The following ERC1 variants were observed in gnomAD, a reference collection of about 807,000 sequenced individuals.
ERC1 encodes the protein RAB6 interacting protein 2.
In ERC1, 56 loss-of-function variants were observed where a neutral mutation model predicts 132.0. The observed-to-expected ratio is 0.42, with a 90% CI of 0.34 to 0.53. The LOEUF (loss-of-function observed/expected upper bound fraction) is 0.53, where lower values mean the gene tolerates loss of function less well. Among genes scored for constraint, ERC1 ranks in the 20% least tolerant of loss-of-function variants. The pLI is 0.03. For missense variants in ERC1, 1,202 were observed against 1,349.9 expected (o/e 0.89, Z 1.72); for synonymous variants, 478 against 476.1 (o/e 1.00, Z -0.05).
chr12:1,252,304 T>A (rs2154316090), intron 13 of ERC1, among the ~76,000 whole-genome samples: 3 of 152,314 alleles, frequency 2.0e-5, no homozygotes, highest in African/African-American at 7.2e-5. Context: ...AAGGTCAGCC[T>A]CTTATGGGCC....
intron 12 of ERC1, among the ~76,000 whole-genome samples, chr12:1,228,884 C>A (rs2154298945): frequency 6.6e-6 from 1 of 152,158 alleles, no homozygotes; most frequent in South Asian, 2.1e-4. Flanking sequence ...GTGAATGGTC[C>A]TTTTAATGTG....
At chr12:1,196,722 T>C (rs915802272) in intron 12 of ERC1, among the ~76,000 whole-genome samples, 1 of 151,288 alleles carries the variant, frequency 6.6e-6, no homozygotes, top group Non-Finnish European at 1.5e-5. Flanking sequence ...CTTGAACTCC[T>C]GGGCTCAAGT....
chr12:1,113,774 C>T (rs7314843), intron 6 of ERC1, among the ~76,000 whole-genome samples: 88,075 of 152,068 alleles, frequency 0.58, 28,797 homozygotes, highest in East Asian at 0.87. Flanking sequence ...GCACATTTCA[C>T]GCTTTATTTT....
intron 17 of ERC1, among the ~76,000 whole-genome samples, chr12:1,434,241 G>A (rs897919246): frequency 6.6e-6 from 1 of 152,124 alleles, no homozygotes; most frequent in East Asian, 1.9e-4. Flanking sequence ...ACTAAAACTG[G>A]ACGTGGCTTC....
chr12:991,140 G>C (rs940736265), upstream of ERC1: 1 of 149,510 alleles, frequency 6.7e-6, no homozygotes, highest in Non-Finnish European at 1.5e-5. Context: ...CGAGCCGGGA[G>C]CCCGGGGAGG....
chr12:1,082,593 C>T (rs1366169819), intron 2 of ERC1, among the ~76,000 whole-genome samples: 4 of 149,652 alleles, frequency 2.7e-5, no homozygotes, highest in African/African-American at 7.4e-5. Context: ...CAAGTTCAAG[C>T]GATTCTCCTG....
intron 15 of ERC1, among the ~76,000 whole-genome samples, chr12:1,367,082 T>A (rs185191547): frequency 6.6e-6 from 1 of 152,244 alleles, no homozygotes; most frequent in Non-Finnish European, 1.5e-5. Context: ...AATCTAGTCA[T>A]TAGAGGATTT....
In ERC1 at chr12:1,083,553, G is replaced by A. The variant is rs373730763; in HGVS notation, c.1059G>A (p.Lys353=). The A allele has an allele frequency of 1.6e-5, 26 of 1,603,420 alleles. No individual in the cohort carries two copies. The highest frequency in any genetic ancestry group is 3.5e-5 in the Admixed American group (2 of 56,704). ...ACCTAGAAAGCCTTTTGGAGCAGAA[G>A]GAAAAAGAGAACAGTATGTTGAGAG... is the stretch of plus-strand genomic sequence containing the variant. The part of the protein sequence containing the change: ...VHHLESLLEQ[K]EKENSMLREE... The change falls in exon 3 of 19, where the codon AAG becomes AAA. Residue 353 remains lysine (K), a synonymous_variant. Transcript: ENST00000360905.
Position 1,112,295 on chromosome 12 carries a change from T to C in ERC1, c.1398T>C (p.Ala466=). Residue 466 remains alanine, a synonymous_variant, in exon 6 of 19, where the codon GCT becomes GCC. Coordinates refer to ENST00000360905, the MANE Select transcript of ERC1 (RefSeq NM_178040.4). ...AAAAGAAAGCGGCTGGTCTTCAGGC[T>C]GAGGTCTTTGCCGTAAGATTTACCT... ...ELKKKAAGLQ[A]EIGQVKQELS... The C allele has an allele frequency of 6.2e-7, 1 of 1,611,630 alleles. No homozygotes were observed. The highest frequency in any genetic ancestry group is 8.5e-7 in the Non-Finnish European group (1 of 1,177,944).
At chr12:1,428,808 T>C (rs1164532609) in intron 17 of ERC1, among the ~76,000 whole-genome samples, 4 of 152,240 alleles carry the variant, frequency 2.6e-5, no homozygotes, top group African/African-American at 9.6e-5. Context: ...AGAACTGCAT[T>C]ATCAACCAAA....
At chr12:1,361,884 T>C (rs1263559547) in intron 15 of ERC1, among the ~76,000 whole-genome samples, 2 of 151,942 alleles carry the variant, frequency 1.3e-5, no homozygotes, top group Admixed American at 1.3e-4. Flanking sequence ...ACTGGGACCT[T>C]CTTTAGAGCC....
chr12:1,210,478 C>T (rs987534306), intron 12 of ERC1, among the ~76,000 whole-genome samples: 3 of 152,162 alleles, frequency 2.0e-5, no homozygotes, highest in African/African-American at 7.2e-5. Context: ...AATGTTTGAG[C>T]ATGATAGCAA....
At chr12:1,283,200 G>A (rs948202626) in intron 14 of ERC1, among the ~76,000 whole-genome samples, 1 of 152,142 alleles carries the variant, frequency 6.6e-6, no homozygotes, top group African/African-American at 2.4e-5. Context: ...GTCAGGCCCC[G>A]TGCTTTCTGC....
intron 4 of ERC1, among the ~76,000 whole-genome samples, chr12:1,105,324 T>C (rs545880353): frequency 6.6e-6 from 1 of 152,338 alleles, no homozygotes; most frequent in South Asian, 2.1e-4. Context: ...ATTAAAAGTA[T>C]GTGTACTCCA....
chr12:1,165,889 C>T (rs1048428087), intron 8 of ERC1, among the ~76,000 whole-genome samples: 9 of 152,092 alleles, frequency 5.9e-5, no homozygotes, highest in Admixed American at 5.9e-4. Context: ...GTTGTGCAAC[C>T]ATCATCACTG....
At chr12:1,414,516 A>G (rs1437323987) in intron 17 of ERC1, among the ~76,000 whole-genome samples, 1 of 152,228 alleles carries the variant, frequency 6.6e-6, no homozygotes, top group Non-Finnish European at 1.5e-5. Flanking sequence ...GGACACAAAC[A>G]TTCGATTGAT....
intron 8 of ERC1, among the ~76,000 whole-genome samples, chr12:1,163,917 T>C (rs1952110290): frequency 6.6e-6 from 1 of 152,156 alleles, no homozygotes; most frequent in East Asian, 1.9e-4. Flanking sequence ...GGTTTTGCCA[T>C]GTTGGCCAGG....
chr12:1,024,749 A>G (rs1406266230), intron 1 of ERC1, among the ~76,000 whole-genome samples: 7 of 151,764 alleles, frequency 4.6e-5, no homozygotes, highest in South Asian at 2.1e-4. Flanking sequence ...GTTGATAGCT[A>G]TAGTTTAGTG....
At chr12:1,006,070 C>T (rs916307108) in intron 1 of ERC1, among the ~76,000 whole-genome samples, 1 of 151,810 alleles carries the variant, frequency 6.6e-6, no homozygotes, top group Non-Finnish European at 1.5e-5. Context: ...CAATTCTCTG[C>T]CTCAGCCTCC....
Sources: allele counts gnomAD v4.1 joint callset (sites outside exome capture counted in the v4.1 genomes callset), GRCh38; gene constraint gnomAD v4.1.1; transcripts MANE v1.5; gene names NCBI Gene and HGNC (gene_info 2026-07-23, HGNC 2026-07-21).